CHEK2: variants seen among roughly 807,000 people sequenced by gnomAD.
CHEK2 encodes the protein checkpoint kinase 2, also known as serine/threonine-protein kinase Chk2.
Under a neutral mutation model 69.1 loss-of-function variants are expected in CHEK2, and 71 were observed. The ratio of observed to expected loss-of-function variants is 1.03; its 90% CI spans 0.85 to 1.25. The LOEUF is 1.25. Among genes scored for constraint, CHEK2 ranks in the 50% most tolerant of loss-of-function variants. CHEK2 has a pLI of 0.00. For synonymous variants in CHEK2, 189 were observed against 226.9 expected (o/e 0.83, Z 1.50); for missense variants, 664 against 649.6 (o/e 1.02, Z -0.24).
At chr22:28,738,560 C>T (rs2146186286) in intron 1 of CHEK2, among the ~76,000 whole-genome samples, 1 of 152,256 alleles carries the variant, frequency 6.6e-6, no homozygotes, top group Non-Finnish European at 1.5e-5. Context: ...CCCACCCATG[C>T]TTGCTATCTG....
chr22:28,740,459 C>T (rs1272380460), intron 1 of CHEK2, among the ~76,000 whole-genome samples: 1 of 152,232 alleles, frequency 6.6e-6, no homozygotes, highest in African/African-American at 2.4e-5. Flanking sequence ...CCACATTGCT[C>T]TCCTTGGACT....
chr22:28,725,830 G>C (rs2053984628), intron 2 of CHEK2, among the ~76,000 whole-genome samples: 1 of 151,492 alleles, frequency 6.6e-6, no homozygotes, highest in East Asian at 1.9e-4. Flanking sequence ...GATCGCTTGA[G>C]CCCAGGAGGT....
chr22:28,712,241 A>G lies in CHEK2; in HGVS notation c.684-224T>C, dbSNP rs5752776. The G allele has an allele frequency of 0.7, 398,145 of 569,620 alleles. 141,881 individuals are homozygous for G. The highest frequency in any genetic ancestry group is 0.86 in the East Asian group (29,466 of 34,286). The allele number at this position is 569,620 out of a possible 1,614,324, so 35.3% of individuals were successfully genotyped here. A position where few individuals can be genotyped will look rare whatever the true frequency, so the allele number is the denominator to read the frequency against. ...TCCAAATTCCATTTCTGAGCCCAGC[A>G]ATACAAACATGGGTCTTACTGTAGC... is the stretch of plus-strand genomic sequence containing the variant. On this transcript the variant is annotated intron_variant, in intron 5 of 14. Transcript: ENST00000404276.
chr22:28,732,169 T>C (rs2054238210), intron 2 of CHEK2, among the ~76,000 whole-genome samples: 1 of 151,940 alleles, frequency 6.6e-6, no homozygotes, highest in Non-Finnish European at 1.5e-5. Flanking sequence ...TGGAGTGCAA[T>C]GGCGAGATCT....
At position 28,689,560 on chromosome 22, in the gene CHEK2, C is replaced by T. The variant is rs17880255; in HGVS notation, c.1462-345G>A. The T allele has an allele frequency of 5.0e-3, 1,851 of 371,554 alleles. 10 individuals carry two copies. Among genetic ancestry groups the T allele is most frequent in the Non-Finnish European group, 6.3e-3 (1,199 of 191,818 alleles). The allele number at this position is 371,554 out of a possible 1,614,324, so 23.0% of individuals were successfully genotyped here. ...GGAGGCCAGAGGCTGGGCCTGACTC[C>T]GTGCAGCTCCTCAAATCCTTCCCGG... On this transcript the variant is annotated intron_variant, in intron 13 of 14. Transcript: ENST00000404276.
In CHEK2 at chr22:28,703,578, G is replaced by A. The variant is rs769724628; in HGVS notation, c.847-12C>T. 4 of 1,540,470 alleles carry A rather than the reference G, an allele frequency of 2.6e-6. No homozygotes were observed. The East Asian group carries it at 6.8e-5, about 26-fold the overall frequency. On this transcript the variant is annotated splice_polypyrimidine_tract_variant and intron_variant, in intron 7 of 14. Transcript: ENST00000404276. ...TTGATGATGCAAGGCTAAGAAGAGGGGGAGAAAAAAGGGAAAGTAGTGAGA... is the reference window on the plus strand; with the variant it reads ...TTGATGATGCAAGGCTAAGAAGAGGAGGAGAAAAAAGGGAAAGTAGTGAGA...
intron 13 of CHEK2, 124 bp from the exon 14 acceptor site, chr22:28,689,339 A>C: frequency 1.3e-6 from 1 of 778,558 alleles, no homozygotes; most frequent in Non-Finnish European, 2.3e-6. Context: ...CATCCCCTTG[A>C]TGAAGCTCCC....
At chr22:28,701,779 G>A (rs1029812095) in intron 8 of CHEK2, among the ~76,000 whole-genome samples, 1 of 152,110 alleles carries the variant, frequency 6.6e-6, no homozygotes, top group Non-Finnish European at 1.5e-5. Flanking sequence ...TGGATTGAAA[G>A]GACCCGCATA....
intron 7 of CHEK2, among the ~76,000 whole-genome samples, chr22:28,706,833 T>C (rs2053168344): frequency 6.6e-6 from 1 of 151,620 alleles, no homozygotes; most frequent in African/African-American, 2.4e-5. Context: ...GCAGAATCAC[T>C]TGAACCCTGG....
intron 13 of CHEK2, among the ~76,000 whole-genome samples, chr22:28,692,410 A>T (rs925279953): frequency 1.3e-5 from 2 of 152,204 alleles, no homozygotes; most frequent in Non-Finnish European, 2.9e-5. Context: ...AAATCATCTG[A>T]CAGATTTCTT....
chr22:28,701,414 G>A (rs1409332122), intron 8 of CHEK2, among the ~76,000 whole-genome samples: 1 of 152,056 alleles, frequency 6.6e-6, no homozygotes, highest in African/African-American at 2.4e-5. Flanking sequence ...GTTTTGCCAT[G>A]TTGGCCAGGC....
intron 2 of CHEK2, 46 bp downstream of exon 2, chr22:28,734,357 G>C: frequency 6.4e-7 from 1 of 1,564,888 alleles, no homozygotes; most frequent in Non-Finnish European, 8.8e-7. Context: ...CTTTCTGTAA[G>C]TGTTTTTCTG....
chr22:28,716,996 T>C (rs895871088), intron 5 of CHEK2, among the ~76,000 whole-genome samples: 4 of 152,336 alleles, frequency 2.6e-5, no homozygotes, highest in African/African-American at 9.6e-5. Flanking sequence ...AGCCATCTTC[T>C]AACTAAGCCA....
chr22:28,737,424 A>C (rs770220015), intron 1 of CHEK2: 1 of 357,118 alleles, frequency 2.8e-6, no homozygotes, highest in Non-Finnish European at 5.7e-6. Flanking sequence ...GGTGACATGA[A>C]CACAAGCACT....
At chr22:28,705,313 G>A (rs147125200) in intron 7 of CHEK2, among the ~76,000 whole-genome samples, 43 of 151,662 alleles carry the variant, frequency 2.8e-4, no homozygotes, top group African/African-American at 8.2e-4. Flanking sequence ...TCCTGACCTC[G>A]TGATCCACCC....
intron 8 of CHEK2, among the ~76,000 whole-genome samples, chr22:28,700,393 T>G (rs890460065): frequency 1.1e-4 from 16 of 151,890 alleles, no homozygotes; most frequent in African/African-American, 3.6e-4. Context: ...TGTATTTTTT[T>G]TAGTAGAGAC....
chr22:28,723,601 G>GGA (rs1555926130), intron 4 of CHEK2, among the ~76,000 whole-genome samples: 2 of 48,884 alleles, frequency 4.1e-5, no homozygotes, highest in South Asian at 1.2e-3. Context: ...CCGTCACAAG[G>GGA]AAAAAAAAAG....
chr22:28,702,829 A>G (rs755180427), intron 8 of CHEK2, among the ~76,000 whole-genome samples: 4 of 152,184 alleles, frequency 2.6e-5, no homozygotes, highest in Non-Finnish European at 5.9e-5. Flanking sequence ...TTACAGGCGT[A>G]AGCCACTGCA....
At position 28,699,898 on chromosome 22, in the gene CHEK2, A is replaced by T. The variant is rs1569121419; in HGVS notation, c.948T>A (p.Asn316Lys). The T allele has an allele frequency of 6.2e-7, 1 of 1,614,086 alleles. No homozygotes were observed. Among genetic ancestry groups the T allele is most frequent in the South Asian group, 1.1e-5 (1 of 91,074 alleles). Residue 316 changes from asparagine to lysine, a missense_variant, in exon 9 of 15, where the codon AAT (asparagine) becomes AAA (lysine). Coordinates refer to ENST00000404276, the MANE Select transcript of CHEK2 (RefSeq NM_007194.4). The part of the protein sequence containing the change: ...GGELFDKVVG[N>K]KRLKEATCKL... ...TGCAGGTAGCTTCTTTCAGGCGTTT[A>T]TTCCCCACCACTTTGTCAAACAGCT... is the stretch of plus-strand genomic sequence containing the variant.
Sources: gnomAD v4.1 joint callset for allele counts (sites outside exome capture counted in the v4.1 genomes callset) on GRCh38, gnomAD v4.1.1 for gene constraint, MANE v1.5 for transcripts, NCBI Gene and HGNC (gene_info 2026-07-23, HGNC 2026-07-21) for gene names.